CCDC40: variants seen among roughly 807,000 people sequenced by gnomAD.
CCDC40 encodes the protein coiled-coil domain-containing protein 40.
Under a neutral mutation model 124.5 loss-of-function variants are expected in CCDC40, and 104 were observed. The ratio of observed to expected loss-of-function variants is 0.84; its 90% CI spans 0.71 to 0.98. CCDC40 has a LOEUF of 0.98. CCDC40 is among the 50% of genes least tolerant of loss of function. CCDC40 has a pLI of 0.00. For missense variants in CCDC40, 1,463 were observed against 1,503.9 expected (o/e 0.97, Z 0.45); for synonymous variants, 580 against 602.9 (o/e 0.96, Z 0.56).
rs775100876 is a variant in CCDC40, at chr17:80,099,725, A to C, written c.3379A>C (p.Lys1127Gln). Residue 1127 changes from lysine (K) to glutamine (Q), a missense_variant, in exon 20 of 20, where the codon AAG becomes CAG. Transcript: ENST00000397545. ...EYPQFQEALHKVSQMIANKLE... is the reference protein window; with the variant it reads ...EYPQFQEALHQVSQMIANKLE... ...CCCCCAGTTCCAGGAGGCCCTGCAC[A>C]AGGTCAGCCAGATGATCGCCAACAA... is the stretch of plus-strand genomic sequence containing the variant. 2.5e-6 allele frequency: 4 copies of C among 1,613,656 alleles called. No homozygotes were observed. The highest frequency in any genetic ancestry group is 3.3e-5 in the Admixed American group (2 of 60,006).
At chr17:80,069,299 TACACA>T (rs2038130687) in intron 10 of CCDC40, among the ~76,000 whole-genome samples, 1 of 152,206 alleles carries the variant, frequency 6.6e-6, no homozygotes, top group African/African-American at 2.4e-5. Flanking sequence ...CCGTGTCTCA[TACACA>T]AGCTGCAAGC....
chr17:80,055,999 TATATATATATATATA>T (rs2037730043), intron 7 of CCDC40, among the ~76,000 whole-genome samples: 1 of 15,060 alleles, frequency 6.6e-5, no homozygotes, highest in African/African-American at 1.4e-4. Context: ...TATATATATA[TATATATATATATATA>T]TATTTTTTTT....
chr17:80,063,997 A>G (rs2143670503), intron 9 of CCDC40, among the ~76,000 whole-genome samples: 1 of 152,288 alleles, frequency 6.6e-6, no homozygotes, highest in South Asian at 2.1e-4. Context: ...GCTAAAATAA[A>G]AGGAAATACT....
chr17:80,058,273 A>T lies in CCDC40; in HGVS notation c.1160-221A>T, dbSNP rs2037802900. On this transcript the variant is annotated intron_variant, in intron 7 of 19. Coordinates refer to ENST00000397545, the MANE Select transcript of CCDC40 (RefSeq NM_017950.4). The surrounding 1 kb of genome is among the most constrained non-coding windows in gnomAD (Gnocchi z 4.2). The stretch of plus-strand genomic sequence containing the variant: ...ACAGCTTGCTGCAATTTGTGGATGT[A>T]GATTCCGTATATTTTTGTCTCTTCC... 6.6e-6 allele frequency among the ~76,000 whole-genome samples: 1 copy of T among 152,202 alleles called. No homozygotes were observed. The highest frequency in any genetic ancestry group is 6.5e-5 in the Admixed American group (1 of 15,274).
chr17:80,047,506 T>C, intron 4 of CCDC40, 104 bp downstream of exon 4: 1 of 1,203,256 alleles, frequency 8.3e-7, no homozygotes, highest in African/African-American at 1.5e-5. Flanking sequence ...ACCTGTTTCC[T>C]GAGTGGCTGT....
chr17:80,065,092 C>T (rs1237683541), intron 9 of CCDC40, among the ~76,000 whole-genome samples: 1 of 76,338 alleles, frequency 1.3e-5, no homozygotes, highest in African/African-American at 5.6e-5. Flanking sequence ...CATCTCCTCC[C>T]CCTCCCTCTC....
intron 10 of CCDC40, among the ~76,000 whole-genome samples, chr17:80,069,502 T>C (rs1372280927): frequency 6.6e-6 from 1 of 152,000 alleles, no homozygotes; most frequent in African/African-American, 2.4e-5. Context: ...TCCCAGCTCT[T>C]TGGGAGGCCG....
chr17:80,036,658 G>T lies in CCDC40; in HGVS notation c.-5G>T. Reference sequence around the variant, plus strand: ...GATGTTGACAGCGTCGCCTAGCAACGGGAAATGGCGGAACCGGGCGGCGCG... The same window carrying T: ...GATGTTGACAGCGTCGCCTAGCAACTGGAAATGGCGGAACCGGGCGGCGCG... On this transcript the variant is annotated 5_prime_UTR_variant, in exon 1 of 20. Transcript: ENST00000397545. The T allele has an allele frequency of 1.4e-6, 2 of 1,460,204 alleles. No homozygotes were observed. Among genetic ancestry groups the T allele is most frequent in the East Asian group, 2.8e-5 (1 of 35,382 alleles). The allele number at this position is 1,460,204 out of a possible 1,614,324, so 90.5% of individuals were successfully genotyped here.
At position 80,039,916 on chromosome 17, in the gene CCDC40, G is replaced by C; in HGVS notation, c.198G>C (p.Glu66Asp). 4 of 1,613,450 alleles carry C rather than the reference G, an allele frequency of 2.5e-6. No individual in the cohort carries two copies. Among genetic ancestry groups the C allele is most frequent in the Middle Eastern group, 1.7e-4 (1 of 6,060 alleles). Residue 66 changes from glutamate (E) to aspartate (D), a missense_variant, in exon 3 of 20, where the codon GAG (glutamate) becomes GAC (aspartate). By Grantham distance (45) the Glu-to-Asp change is conservative. Coordinates refer to ENST00000397545, the MANE Select transcript of CCDC40 (RefSeq NM_017950.4). ...CCCAAGCGGAAGCTGCAATTGAAGA[G>C]GGGGAGGTGGAGACAGAAGGGGAAG... ...VTTQAEAAIE[E>D]GEVETEGEAA...
At chr17:80,057,891 A>C (rs905355905) in intron 7 of CCDC40, among the ~76,000 whole-genome samples, 1 of 151,948 alleles carries the variant, frequency 6.6e-6, no homozygotes, top group Non-Finnish European at 1.5e-5. Context: ...AAAAAAAAGA[A>C]ATCCATCTCA....
At position 80,087,405 on chromosome 17, in the gene CCDC40, A is replaced by G. The variant is rs2038608628; in HGVS notation, c.2450-202A>G. 2 of 590,506 alleles carry G rather than the reference A, an allele frequency of 3.4e-6. No homozygotes were observed. Among genetic ancestry groups the G allele is most frequent in the South Asian group, 1.9e-5 (1 of 52,844 alleles). 36.6% of individuals were successfully genotyped at this position (590,506 alleles called of 1,614,324 possible). A position where few individuals can be genotyped will look rare whatever the true frequency, so the allele number is the denominator to read the frequency against. ...CCAGGCTTTGGGAGCTTAGCAGCCA[A>G]AAAGAGACCCCCTGTCCTCTCCTCT... On this transcript the variant is annotated intron_variant, in intron 14 of 19. Coordinates refer to ENST00000397545, the MANE Select transcript of CCDC40 (RefSeq NM_017950.4). The surrounding 1 kb of genome is among the most constrained non-coding windows in gnomAD (Gnocchi z 4.5).
chr17:80,057,565 T>C (rs1279390444), intron 7 of CCDC40, among the ~76,000 whole-genome samples: 1 of 151,970 alleles, frequency 6.6e-6, no homozygotes, highest in Admixed American at 6.6e-5. Flanking sequence ...CTCAATAAAT[T>C]TGCACTCCAG....
rs1265465386 is a variant in CCDC40, at chr17:80,099,720, T to G, written c.3374T>G (p.Leu1125Arg). The G allele has an allele frequency of 6.2e-7, 1 of 1,613,614 alleles. No homozygotes were observed. Among genetic ancestry groups the G allele is most frequent in the Non-Finnish European group, 8.5e-7 (1 of 1,180,004 alleles). The change falls in exon 20 of 20, where the codon CTG (leucine) becomes CGG (arginine). Residue 1125 changes from leucine (L) to arginine (R), a missense_variant. Coordinates refer to ENST00000397545, the MANE Select transcript of CCDC40 (RefSeq NM_017950.4). ...GAGTACCCCCAGTTCCAGGAGGCCC[T>G]GCACAAGGTCAGCCAGATGATCGCC... ...RDEYPQFQEALHKVSQMIANK... is the reference protein window; with the variant it reads ...RDEYPQFQEARHKVSQMIANK...
intron 10 of CCDC40, among the ~76,000 whole-genome samples, chr17:80,070,967 G>A (rs896066354): frequency 5.9e-5 from 9 of 152,248 alleles, no homozygotes; most frequent in Admixed American, 4.6e-4. Flanking sequence ...TGAAGGAACC[G>A]TGTGTGACCC....
At position 80,036,672 on chromosome 17, in the gene CCDC40, C is replaced by G. The variant is rs1266571492; in HGVS notation, c.10C>G (p.Pro4Ala). 1 of 1,461,712 alleles carries G rather than the reference C, an allele frequency of 6.8e-7. No individual in the cohort carries two copies. Among genetic ancestry groups the G allele is most frequent in the Non-Finnish European group, 9.0e-7 (1 of 1,109,076 alleles). 90.5% of individuals were successfully genotyped at this position (1,461,712 alleles called of 1,614,324 possible). A position where few individuals can be genotyped will look rare whatever the true frequency, so the allele number is the denominator to read the frequency against. MAEPGGAAGRSHPE... is the reference protein window; with the variant it reads MAEAGGAAGRSHPE... ...CGCCTAGCAACGGGAAATGGCGGAA[C>G]CGGGCGGCGCGGCGGGCCGGTAAGC... The change falls in exon 1 of 20, where the codon CCG becomes GCG. Residue 4 changes from proline to alanine, a missense_variant. Transcript: ENST00000397545.
At chr17:80,063,051 C>G (rs2037945030) in intron 9 of CCDC40, among the ~76,000 whole-genome samples, 1 of 152,054 alleles carries the variant, frequency 6.6e-6, no homozygotes, top group Non-Finnish European at 1.5e-5. Context: ...AAAAATTAGC[C>G]AGGCGTGGTG....
chr17:80,087,549 C>G lies in CCDC40; in HGVS notation c.2450-58C>G. 2 of 1,440,604 alleles carry G rather than the reference C, an allele frequency of 1.4e-6. No individual in the cohort carries two copies. Among genetic ancestry groups the G allele is most frequent in the Non-Finnish European group, 1.9e-6 (2 of 1,026,634 alleles). The allele number at this position is 1,440,604 out of a possible 1,614,324, so 89.2% of individuals were successfully genotyped here. A position where few individuals can be genotyped will look rare whatever the true frequency, so the allele number is the denominator to read the frequency against. Reference sequence around the variant, plus strand: ...CTCACCTCTCGGACACTGCTGCCTGCGGGCGAGGACCCGTACCCTCCTGGG... The same window carrying G: ...CTCACCTCTCGGACACTGCTGCCTGGGGGCGAGGACCCGTACCCTCCTGGG... On this transcript the variant is annotated intron_variant, in intron 14 of 19. Coordinates refer to ENST00000397545, the MANE Select transcript of CCDC40 (RefSeq NM_017950.4). The surrounding 1 kb of genome is among the most constrained non-coding windows in gnomAD (Gnocchi z 4.5).
rs1354174624 is a variant in CCDC40, at chr17:80,099,522, C to A, written c.3181-5C>A. The A allele has an allele frequency of 1.2e-6, 2 of 1,606,512 alleles. No homozygotes were observed. Among genetic ancestry groups the A allele is most frequent in the Non-Finnish European group, 8.5e-7 (1 of 1,179,902 alleles). ...GCCCTATATGGAGTCTCTTTTCCTA[C>A]CCAGAACCTTTCAGAGATCGTGGCC... On this transcript the variant is annotated splice_polypyrimidine_tract_variant and splice_region_variant and intron_variant, in intron 19 of 19. Transcript: ENST00000397545.
intron 10 of CCDC40, among the ~76,000 whole-genome samples, chr17:80,079,393 G>A (rs115883084): frequency 0.014 from 2,175 of 152,096 alleles, 53 homozygotes; most frequent in African/African-American, 0.05. Flanking sequence ...ACCCGCGGCC[G>A]CTTAGTGTGT....
Sources: allele counts gnomAD v4.1 joint callset (sites outside exome capture counted in the v4.1 genomes callset), GRCh38; gene constraint gnomAD v4.1.1; non-coding constraint Gnocchi (gnomAD v3.1); transcripts MANE v1.5; gene names NCBI Gene and HGNC (gene_info 2026-07-23, HGNC 2026-07-21).